Variants in CNTLN observed in about 807,000 individuals in gnomAD.
CNTLN encodes centlein, centrosomal protein.
In CNTLN, 212 loss-of-function variants were observed where a neutral mutation model predicts 180.0. The observed-to-expected ratio is 1.18, with a 90% CI of 1.05 to 1.32. The LOEUF (loss-of-function observed/expected upper bound fraction) is 1.32. Ranked by LOEUF, CNTLN falls within the 40% of genes most tolerant of loss-of-function variation. The probability of loss-of-function intolerance (pLI) is 0.00; values close to 1 mark genes in which losing one functional copy is unlikely to be tolerated. For synonymous variants in CNTLN, 722 were observed against 563.1 expected, an observed-to-expected ratio of 1.28 and a Z score of -3.99; for missense variants, 2,095 against 1,610.9, an observed-to-expected ratio of 1.30 and a Z score of -5.14.
the CNTLN span, among the ~76,000 whole-genome samples, chr9:17,515,184 C>T: frequency 7.9e-4 from 120 of 152,198 alleles, no homozygotes; most frequent in Non-Finnish European, 1.2e-3. Context: ...CTGCTGGTCA[C>T]GCTTTCTTGA....
downstream of CNTLN, among the ~76,000 whole-genome samples, chr9:17,504,626 A>G (rs886333480): frequency 6.6e-6 from 1 of 152,190 alleles, no homozygotes; most frequent in Non-Finnish European, 1.5e-5. Context: ...ATGAAACCAC[A>G]AGTGCTCTTA....
intron 18 of CNTLN, among the ~76,000 whole-genome samples, chr9:17,433,817 G>A (rs531722399): frequency 1.1e-4 from 16 of 152,266 alleles, no homozygotes; most frequent in African/African-American, 3.9e-4. Flanking sequence ...CTGGCCTCAA[G>A]CAGTCCTCTC....
intron 16 of CNTLN, among the ~76,000 whole-genome samples, chr9:17,415,161 T>G (rs951847002): frequency 5.9e-5 from 9 of 152,178 alleles, no homozygotes; most frequent in African/African-American, 2.2e-4. Flanking sequence ...TGAAACGTTT[T>G]GAAACCAAAA....
At chr9:17,500,752 C>A (rs961400976) in intron 25 of CNTLN, among the ~76,000 whole-genome samples, 2 of 152,264 alleles carry the variant, frequency 1.3e-5, no homozygotes, top group East Asian at 3.9e-4. Flanking sequence ...TTACTCCCTT[C>A]TTGTATTTTC....
At chr9:17,480,420 T>G (rs781413110) in intron 23 of CNTLN, among the ~76,000 whole-genome samples, 1 of 151,566 alleles carries the variant, frequency 6.6e-6, no homozygotes, top group Non-Finnish European at 1.5e-5. Context: ...AATGTAGAAA[T>G]TATGAAATGT....
At chr9:17,440,212 C>G (rs569806787) in intron 18 of CNTLN, among the ~76,000 whole-genome samples, 1 of 151,972 alleles carries the variant, frequency 6.6e-6, no homozygotes, top group East Asian at 1.9e-4. Context: ...TTTGACAGAT[C>G]CTCGCAAAGT....
chr9:17,163,718 G>C (rs763590246), intron 2 of CNTLN, among the ~76,000 whole-genome samples: 1 of 152,120 alleles, frequency 6.6e-6, no homozygotes, highest in African/African-American at 2.4e-5. Flanking sequence ...ATAAATAAGT[G>C]TATTTGCATA....
At chr9:17,248,079 C>G (rs1034153800) in intron 5 of CNTLN, among the ~76,000 whole-genome samples, 1 of 152,170 alleles carries the variant, frequency 6.6e-6, no homozygotes, top group Non-Finnish European at 1.5e-5. Flanking sequence ...CTACCTCAAC[C>G]TCCCAAAATG....
chr9:17,368,852 C>T (rs2151342), intron 13 of CNTLN, among the ~76,000 whole-genome samples: 36,265 of 152,082 alleles, frequency 0.24, 4,524 homozygotes, highest in South Asian at 0.34. Context: ...TTTCAAATAC[C>T]GGAAAGTCTT....
intron 6 of CNTLN, among the ~76,000 whole-genome samples, chr9:17,289,897 G>C (rs1300489920): frequency 1.5e-5 from 2 of 132,248 alleles, no homozygotes; most frequent in Non-Finnish European, 3.1e-5. Context: ...GGTTATTCTA[G>C]GTATACATTC....
chr9:17,225,618 T>C (rs562491207), intron 2 of CNTLN, among the ~76,000 whole-genome samples: 2 of 152,040 alleles, frequency 1.3e-5, no homozygotes, highest in Non-Finnish European at 2.9e-5. Context: ...TTTATAAAGC[T>C]ATATTTGTTT....
intron 2 of CNTLN, among the ~76,000 whole-genome samples, chr9:17,210,635 A>G (rs548256484): frequency 2.0e-5 from 3 of 152,330 alleles, no homozygotes; most frequent in African/African-American, 7.2e-5. Context: ...GAATCACCAC[A>G]CTGTCTTCCA....
At chr9:17,254,259 G>C (rs1826334834) in intron 5 of CNTLN, among the ~76,000 whole-genome samples, 1 of 151,488 alleles carries the variant, frequency 6.6e-6, no homozygotes, top group South Asian at 2.1e-4. Flanking sequence ...GTCCTTTGAT[G>C]AACAAAAGTT....
intron 5 of CNTLN, among the ~76,000 whole-genome samples, chr9:17,263,385 T>C (rs1043185636): frequency 2.4e-4 from 36 of 151,120 alleles, no homozygotes; most frequent in Non-Finnish European, 1.0e-4. Context: ...TCATTTTTTA[T>C]GGCTGCATAG....
chr9:17,511,648 TCA>T, the CNTLN span, among the ~76,000 whole-genome samples: 7,226 of 146,596 alleles, frequency 0.049, 567 homozygotes, highest in African/African-American at 0.17. Flanking sequence ...TCTCTCTCTC[TCA>T]CACACACACA....
At chr9:17,419,015 G>C (rs13294241) in intron 18 of CNTLN, among the ~76,000 whole-genome samples, 6,025 of 152,132 alleles carry the variant, frequency 0.04, 192 homozygotes, top group South Asian at 0.17. Flanking sequence ...AATTTGAACT[G>C]TATAGGCCAA....
chr9:17,455,962 A>G (rs1044909656), intron 18 of CNTLN, among the ~76,000 whole-genome samples: 1 of 152,172 alleles, frequency 6.6e-6, no homozygotes, highest in Non-Finnish European at 1.5e-5. Flanking sequence ...GATTAAGGGA[A>G]TAACTGGTCA....
At chr9:17,449,362 A>G (rs1830653902) in intron 18 of CNTLN, among the ~76,000 whole-genome samples, 1 of 150,052 alleles carries the variant, frequency 6.7e-6, no homozygotes, top group African/African-American at 2.5e-5. Flanking sequence ...GAGTGAGAAC[A>G]TGCGGTGTTT....
At position 17,416,062 on chromosome 9, in the gene CNTLN, G is replaced by T. The variant is rs1225658457; in HGVS notation, c.2987G>T (p.Ser996Ile). ...ATTATATCCTTGCAACAACAAAACA[G>T]TGTACTTCAGAATGCCAAGAAAACA... is the stretch of plus-strand genomic sequence containing the variant. ...ERIISLQQQN[S>I]VLQNAKKTAE... The change falls in exon 18 of 26, where the codon AGT becomes ATT. Residue 996 changes from serine (S) to isoleucine (I), a missense_variant. Transcript: ENST00000380647. 1.2e-6 allele frequency: 2 copies of T among 1,613,560 alleles called. No homozygotes were observed. The highest frequency in any genetic ancestry group is 2.7e-5 in the African/African-American group (2 of 75,012).
Sources: gnomAD v4.1 joint callset for allele counts (sites outside exome capture counted in the v4.1 genomes callset) on GRCh38, gnomAD v4.1.1 for gene constraint, MANE v1.5 for transcripts, NCBI Gene and HGNC (gene_info 2026-07-23, HGNC 2026-07-21) for gene names.